The following WDR7 variants were observed in gnomAD, a reference collection of about 807,000 sequenced individuals.
WDR7 encodes the protein WD repeat domain 7, also known as WD repeat-containing protein 7.
In WDR7, 46 loss-of-function variants were observed where a neutral mutation model predicts 169.4. That is an observed-to-expected ratio of 0.27 (90% CI 0.21 to 0.35). The LOEUF (loss-of-function observed/expected upper bound fraction) is 0.35, where lower values mean the gene tolerates loss of function less well. WDR7 is among the 10% of genes least tolerant of loss of function. WDR7 has a pLI of 1.00. For synonymous variants in WDR7, 612 were observed against 666.8 expected (o/e 0.92, Z 1.27); for missense variants, 1,534 against 1,859.3 (o/e 0.83, Z 3.22).
chr18:56,980,900 A>G (rs544217274), intron 26 of WDR7, among the ~76,000 whole-genome samples: 1 of 152,328 alleles, frequency 6.6e-6, no homozygotes, highest in East Asian at 1.9e-4. Flanking sequence ...AGGATGAGGA[A>G]TTTTGATATT....
At chr18:56,931,675 G>T (rs528263941) in intron 22 of WDR7, among the ~76,000 whole-genome samples, 4 of 152,288 alleles carry the variant, frequency 2.6e-5, no homozygotes, top group Non-Finnish European at 5.9e-5. Context: ...TGGAATAAAT[G>T]GGGTTTGCTG....
chr18:56,668,269 A>G (rs903498439), intron 1 of WDR7, among the ~76,000 whole-genome samples: 1 of 152,142 alleles, frequency 6.6e-6, no homozygotes, highest in Non-Finnish European at 1.5e-5. Flanking sequence ...TTTTACTTTA[A>G]ATGTCAGCCC....
At position 57,028,915 on chromosome 18, in the gene WDR7, G is replaced by C. The variant is rs895016537; in HGVS notation, c.*1708G>C. On this transcript the variant is annotated 3_prime_UTR_variant, in exon 28 of 28. Transcript: ENST00000254442. ...ATGTAGTTTCCAAGGAAGAAACAAA[G>C]ACCTATACAGTTTAGACTTTATTTG... 6.6e-6 allele frequency: 1 copy of C among 152,632 alleles called. No individual in the cohort carries two copies. Among genetic ancestry groups the C allele is most frequent in the African/African-American group, 2.4e-5 (1 of 41,450 alleles). The allele number at this position is 152,632 out of a possible 1,614,324, so 9.5% of individuals were successfully genotyped here. A position where few individuals can be genotyped will look rare whatever the true frequency, so the allele number is the denominator to read the frequency against.
At chr18:56,772,661 A>G (rs2044182934) in intron 16 of WDR7, among the ~76,000 whole-genome samples, 1 of 151,952 alleles carries the variant, frequency 6.6e-6, no homozygotes, top group South Asian at 2.1e-4. Flanking sequence ...ATCTCTCTAT[A>G]TAAATGACTA....
chr18:56,682,293 G>C (rs2025364717), intron 4 of WDR7, among the ~76,000 whole-genome samples: 1 of 151,892 alleles, frequency 6.6e-6, no homozygotes, highest in Non-Finnish European at 1.5e-5. Context: ...TGTTATTTTT[G>C]TGACCCACCT....
chr18:56,991,295 C>T (rs1381394006), intron 26 of WDR7, among the ~76,000 whole-genome samples: 5 of 152,256 alleles, frequency 3.3e-5, no homozygotes, highest in South Asian at 2.1e-4. Context: ...TACAGGCGTC[C>T]GTCACCACTC....
chr18:56,705,238 A>G (rs1244827064), intron 12 of WDR7, among the ~76,000 whole-genome samples: 1 of 152,198 alleles, frequency 6.6e-6, no homozygotes, highest in Admixed American at 6.5e-5. Flanking sequence ...TCATTGGGCA[A>G]ATATCTGACT....
intron 17 of WDR7, among the ~76,000 whole-genome samples, chr18:56,777,905 A>G (rs2044264309): frequency 6.6e-6 from 1 of 152,234 alleles, no homozygotes; most frequent in Non-Finnish European, 1.5e-5. Context: ...GAACTTTACC[A>G]AAATAATTTG....
chr18:57,025,480 C>T (rs72930670), intron 27 of WDR7, among the ~76,000 whole-genome samples: 19,891 of 152,116 alleles, frequency 0.13, 1,522 homozygotes, highest in East Asian at 0.36. Flanking sequence ...CAAAGAAACA[C>T]GCTTCTGAAA....
chr18:56,762,441 G>A (rs2043993157), intron 16 of WDR7, among the ~76,000 whole-genome samples: 1 of 151,388 alleles, frequency 6.6e-6, no homozygotes, highest in Admixed American at 6.6e-5. Context: ...TTTAATTCTG[G>A]GTTCAACTTA....
intron 20 of WDR7, chr18:56,872,560 A>G (rs2045967987): frequency 1.3e-5 from 2 of 152,218 alleles, no homozygotes; most frequent in South Asian, 4.1e-4. Context: ...TTAAAGCCTC[A>G]TATTTTGTTA....
chr18:56,717,872 G>A (rs2026226947), intron 12 of WDR7, 92 bp from the exon 13 acceptor site: 1 of 1,269,730 alleles, frequency 7.9e-7, no homozygotes, highest in Non-Finnish European at 1.1e-6. Flanking sequence ...GGCAGCAAAT[G>A]TATAATTAAT....
chr18:56,949,154 C>T (rs552635573), intron 25 of WDR7, among the ~76,000 whole-genome samples: 2 of 151,946 alleles, frequency 1.3e-5, no homozygotes, highest in East Asian at 3.9e-4. Context: ...CTCTCTCTCT[C>T]TTTCCCTTTG....
chr18:56,657,611 A>G (rs942926962), intron 1 of WDR7, among the ~76,000 whole-genome samples: 31 of 152,382 alleles, frequency 2.0e-4, no homozygotes, highest in African/African-American at 6.7e-4. Context: ...TCTGCCATCA[A>G]TAAGAGGACA....
chr18:56,923,878 A>T, intron 21 of WDR7, 44 bp from the exon 22 acceptor site: 1 of 1,460,154 alleles, frequency 6.8e-7, no homozygotes, highest in Non-Finnish European at 9.1e-7. Context: ...CAATTACAAA[A>T]GTAAAATTCC....
chr18:56,761,713 A>T (rs2043983611), intron 16 of WDR7, among the ~76,000 whole-genome samples: 1 of 151,786 alleles, frequency 6.6e-6, no homozygotes, highest in African/African-American at 2.4e-5. Context: ...TTAGATATAT[A>T]ACATATATAT....
chr18:56,998,868 A>G (rs1177517052), intron 26 of WDR7, among the ~76,000 whole-genome samples: 2 of 152,212 alleles, frequency 1.3e-5, no homozygotes, highest in Non-Finnish European at 2.9e-5. Context: ...AAATTTAAAA[A>G]TACTGAATAC....
At position 56,682,227 on chromosome 18, in the gene WDR7, T is replaced by C. The variant is rs542189887; in HGVS notation, c.346-452T>C. Among the ~76,000 whole-genome samples the C allele has an allele frequency of 2.6e-5, 4 of 152,358 alleles. No homozygotes were observed. In the East Asian group the frequency reaches 7.7e-4, roughly 29 times the overall value. On this transcript the variant is annotated intron_variant, in intron 4 of 27. Coordinates refer to ENST00000254442, the MANE Select transcript of WDR7 (RefSeq NM_015285.3). Reference sequence around the variant, plus strand: ...ATCAATCATCCTTCTAAATTGTATTTGCATAACTAGTAATTATAAGCTTAT... The same window carrying C: ...ATCAATCATCCTTCTAAATTGTATTCGCATAACTAGTAATTATAAGCTTAT...
At position 57,028,363 on chromosome 18, in the gene WDR7, A is replaced by G. The variant is rs1469297338; in HGVS notation, c.*1156A>G. The G allele has an allele frequency of 1.3e-5, 2 of 152,212 alleles. No homozygotes were observed. The highest frequency in any genetic ancestry group is 2.9e-5 in the Non-Finnish European group (2 of 68,028). The allele number at this position is 152,212 out of a possible 1,614,324, so 9.4% of individuals were successfully genotyped here. On this transcript the variant is annotated 3_prime_UTR_variant, in exon 28 of 28. Coordinates refer to ENST00000254442, the MANE Select transcript of WDR7 (RefSeq NM_015285.3). The stretch of plus-strand genomic sequence containing the variant: ...TCATTATGCTTCTAAGTAAGCTTTA[A>G]CTAGACCACTTTCTTCTTATGTCAG...
Sources: allele counts gnomAD v4.1 joint callset (sites outside exome capture counted in the v4.1 genomes callset), GRCh38; gene constraint gnomAD v4.1.1; transcripts MANE v1.5; gene names NCBI Gene and HGNC (gene_info 2026-07-23, HGNC 2026-07-21).